Variants in OVCH1 observed in about 807,000 individuals in gnomAD.
OVCH1 encodes the protein ovochymase-1.
Under a neutral mutation model 138.4 loss-of-function variants are expected in OVCH1, and 139 were observed. The ratio of observed to expected loss-of-function variants is 1.00; its 90% CI spans 0.87 to 1.16. The LOEUF is 1.16. Among genes scored for constraint, OVCH1 ranks in the 50% most tolerant of loss-of-function variants. The probability of loss-of-function intolerance (pLI) is 0.00; values close to 1 mark genes in which losing one functional copy is unlikely to be tolerated. For synonymous variants in OVCH1, 453 were observed against 467.8 expected, an observed-to-expected ratio of 0.97 and a Z score of 0.41; for missense variants, 1,367 against 1,357.9, an observed-to-expected ratio of 1.01 and a Z score of -0.11.
exon 21 of OVCH1, chr12:29,454,853 C>A: frequency 6.2e-7 from 1 of 1,608,896 alleles, no homozygotes; most frequent in Non-Finnish European, 8.5e-7. Context: ...GGCCAAGATG[C>A]ACTGTCTGGT....
intron 25 of OVCH1, chr12:29,439,523 G>GA: frequency 1.5e-6 from 2 of 1,329,676 alleles, no homozygotes; most frequent in Non-Finnish European, 9.6e-7. Context: ...CCAACTAAAG[G>GA]AAAAATCTCT....
At chr12:29,406,711 G>T in the OVCH1 span, among the ~76,000 whole-genome samples, 1 of 146,228 alleles carries the variant, frequency 6.8e-6, no homozygotes, top group African/African-American at 2.6e-5. Context: ...ATCATTGTTG[G>T]ACATTTGGGT....
chr12:29,475,793 T>C (rs555151784), intron 13 of OVCH1, among the ~76,000 whole-genome samples: 15 of 152,304 alleles, frequency 9.8e-5, no homozygotes, highest in Non-Finnish European at 2.2e-4. Flanking sequence ...TAAAAGTATA[T>C]TTGAAGTTTT....
chr12:29,412,170 CT>C (rs1363844026), downstream of OVCH1, among the ~76,000 whole-genome samples: 2 of 152,248 alleles, frequency 1.3e-5, no homozygotes, highest in African/African-American at 4.8e-5. Context: ...AAGCGCAGTA[CT>C]TGGGCAGGAG....
intron 14 of OVCH1, 132 bp from the exon 15 acceptor site, chr12:29,473,235 G>A: frequency 1.7e-6 from 1 of 604,910 alleles, no homozygotes; most frequent in South Asian, 2.3e-5. Flanking sequence ...TACACTAGAT[G>A]CCAGATCCCA....
intron 22 of OVCH1, among the ~76,000 whole-genome samples, chr12:29,449,660 T>TTTTTCAAAAGC (rs1941723973): frequency 6.6e-6 from 1 of 152,088 alleles, no homozygotes; most frequent in Non-Finnish European, 1.5e-5. Context: ...TTGGCTGTTA[T>TTTTTCAAAAGC]ATTGGTGTAT....
At chr12:29,430,601 ACAGT>A (rs1303586315) in intron 27 of OVCH1, among the ~76,000 whole-genome samples, 1 of 152,278 alleles carries the variant, frequency 6.6e-6, no homozygotes, top group East Asian at 1.9e-4. Context: ...GGGAGAGCTG[ACAGT>A]CACAGACCTC....
intron 14 of OVCH1, among the ~76,000 whole-genome samples, chr12:29,473,618 C>T (rs1022455277): frequency 6.6e-6 from 1 of 152,062 alleles, no homozygotes; most frequent in Admixed American, 6.6e-5. Flanking sequence ...CTTGTTCTTA[C>T]ATTTCTCTAT....
chr12:29,457,230 A>G (rs1310666650), intron 19 of OVCH1, among the ~76,000 whole-genome samples: 1 of 152,072 alleles, frequency 6.6e-6, no homozygotes, highest in African/African-American at 2.4e-5. Flanking sequence ...GTTTTATTTT[A>G]AATCATTGAT....
chr12:29,482,453 T>C (rs1363938715), intron 8 of OVCH1, among the ~76,000 whole-genome samples: 1 of 152,194 alleles, frequency 6.6e-6, no homozygotes, highest in Non-Finnish European at 1.5e-5. Flanking sequence ...TGATATAGCA[T>C]TTACTACCTT....
intron 19 of OVCH1, among the ~76,000 whole-genome samples, chr12:29,460,396 G>A (rs1592067176): frequency 6.6e-6 from 1 of 152,132 alleles, no homozygotes; most frequent in East Asian, 1.9e-4. Context: ...GTACTTTTGT[G>A]ATTTTTATCA....
At chr12:29,486,817 T>C (rs189719667) in intron 7 of OVCH1, 14 of 416,300 alleles carry the variant, frequency 3.4e-5, no homozygotes, top group Non-Finnish European at 5.3e-5. Flanking sequence ...TTCATTGCTC[T>C]TGTAAAATCT....
chr12:29,496,178 TACTC>T lies in OVCH1; in HGVS notation c.280_281+2del. ...TGACAAGTAATGGAAATCCACAACT[TACTC>T]ACTGAGGCTGTCCAGGCAGTGTGCT... On this transcript the variant is annotated splice_donor_variant and coding_sequence_variant, in exon 3 of 28. Transcript: ENST00000318184. LOFTEE classifies it high-confidence loss of function. The T allele has an allele frequency of 2.5e-6, 4 of 1,599,338 alleles. No homozygotes were observed. The highest frequency in any genetic ancestry group is 2.6e-6 in the Non-Finnish European group (3 of 1,171,412).
At chr12:29,444,869 T>C (rs775034799) in intron 23 of OVCH1, among the ~76,000 whole-genome samples, 8 of 152,046 alleles carry the variant, frequency 5.3e-5, no homozygotes, top group African/African-American at 9.7e-5. Context: ...TCTAATCTTT[T>C]ATTACATCAC....
chr12:29,486,365 G>C lies in OVCH1; in HGVS notation c.893-17C>G, dbSNP rs373073092. 1 of 1,541,254 alleles carries C rather than the reference G, an allele frequency of 6.5e-7. No homozygotes were observed. Among genetic ancestry groups the C allele is most frequent in the East Asian group, 2.2e-5 (1 of 44,484 alleles). ...GATCCAAACCTGTAAAAGGTATAAG[G>C]AGTTAGTGCCTTTCCCAATAATAAT... On this transcript the variant is annotated splice_polypyrimidine_tract_variant and intron_variant, in intron 7 of 27. Transcript: ENST00000318184.
intron 6 of OVCH1, 50 bp downstream of exon 6, chr12:29,489,570 A>T: frequency 2.0e-6 from 3 of 1,523,394 alleles, no homozygotes; most frequent in Non-Finnish European, 2.7e-6. Context: ...GGCAGAATCT[A>T]CTTTCACCCA....
At chr12:29,403,436 G>A in the OVCH1 span, among the ~76,000 whole-genome samples, 1 of 152,046 alleles carries the variant, frequency 6.6e-6, no homozygotes, top group African/African-American at 2.4e-5. Flanking sequence ...TGCATTCTTA[G>A]AAACCAAATG....
At chr12:29,469,689 G>C (rs1942435804) in intron 16 of OVCH1, among the ~76,000 whole-genome samples, 2 of 150,112 alleles carry the variant, frequency 1.3e-5, no homozygotes, top group African/African-American at 4.9e-5. Flanking sequence ...AGACCAGTCT[G>C]TGCAACATAG....
intron 16 of OVCH1, among the ~76,000 whole-genome samples, chr12:29,467,179 A>G (rs1354263342): frequency 1.3e-5 from 2 of 152,140 alleles, no homozygotes; most frequent in Non-Finnish European, 2.9e-5. Flanking sequence ...AACTTTTTCA[A>G]AGTCACCCTC....
Sources: gnomAD v4.1 joint callset for allele counts (sites outside exome capture counted in the v4.1 genomes callset) on GRCh38, gnomAD v4.1.1 for gene constraint, MANE v1.5 for transcripts, NCBI Gene and HGNC (gene_info 2026-07-23, HGNC 2026-07-21) for gene names.